The following TRPC4AP variants were observed in gnomAD, a reference collection of about 807,000 sequenced individuals.
The protein encoded by TRPC4AP is short transient receptor potential channel 4-associated protein.
A neutral mutation model predicts 99.0 loss-of-function variants in TRPC4AP; 45 were observed. That is an observed-to-expected ratio of 0.45 (90% CI 0.36 to 0.58). The LOEUF is 0.58. Ranked by LOEUF, TRPC4AP falls within the 20% of genes least tolerant of loss-of-function variation. The pLI is 0.00. For missense variants in TRPC4AP, 879 were observed against 985.3 expected, an observed-to-expected ratio of 0.89 and a Z score of 1.44; for synonymous variants, 408 against 385.8, an observed-to-expected ratio of 1.06 and a Z score of -0.67.
intron 1 of TRPC4AP, among the ~76,000 whole-genome samples, chr20:35,092,333 G>T (rs1169988053): frequency 6.6e-6 from 1 of 152,110 alleles, no homozygotes; most frequent in African/African-American, 2.4e-5. Flanking sequence ...TAGACGTGGC[G>T]CAAAGAAGGG....
rs139961186 is a variant in TRPC4AP at position 35,022,061 on chromosome 20, T to G, written c.1052-705A>C. Reference sequence around the variant, plus strand: ...GTCACCTCCTCACTAGGCCTTAGACTGCTCTGCAGCAGACAGCTAGGGTTA... The same window carrying G: ...GTCACCTCCTCACTAGGCCTTAGACGGCTCTGCAGCAGACAGCTAGGGTTA... On this transcript the variant is annotated intron_variant, in intron 8 of 18. Transcript: ENST00000252015. 2.6e-5 allele frequency among the ~76,000 whole-genome samples: 4 copies of G among 152,210 alleles called. No homozygotes were observed. The South Asian group carries it at 8.3e-4, about 31-fold the overall frequency.
chr20:35,083,810 T>C (rs886712980), intron 1 of TRPC4AP, among the ~76,000 whole-genome samples: 1 of 150,114 alleles, frequency 6.7e-6, no homozygotes, highest in South Asian at 2.1e-4. Flanking sequence ...GGAAACAAGG[T>C]CTAAAACATG....
chr20:35,006,595 G>C lies in TRPC4AP; in HGVS notation c.1687-20C>G, dbSNP rs114786577. 6.2e-7 allele frequency: 1 copy of C among 1,609,840 alleles called. No individual in the cohort carries two copies. Among genetic ancestry groups the C allele is most frequent in the Non-Finnish European group, 8.5e-7 (1 of 1,176,762 alleles). On this transcript the variant is annotated intron_variant, in intron 14 of 18. Transcript: ENST00000252015. ...GATGTGCTGGGTGAGGAGGGACAGGGTGAAGGTGTCAACGTGGCTGCCCCC... is the reference window on the plus strand; with the variant it reads ...GATGTGCTGGGTGAGGAGGGACAGGCTGAAGGTGTCAACGTGGCTGCCCCC...
chr20:35,092,474 G>C (rs1413552052), intron 1 of TRPC4AP, 140 bp downstream of exon 1: 2 of 1,026,850 alleles, frequency 1.9e-6, no homozygotes, highest in Non-Finnish European at 2.6e-6. Flanking sequence ...AGAGCGTCCG[G>C]GCAGCTCACA....
intron 13 of TRPC4AP, among the ~76,000 whole-genome samples, chr20:35,008,451 G>A (rs933132593): frequency 6.6e-6 from 1 of 152,196 alleles, no homozygotes; most frequent in African/African-American, 2.4e-5. Context: ...CAGGTGCTTG[G>A]TGAATGCTCG....
chr20:35,052,465 C>A (rs1345397367), intron 5 of TRPC4AP, among the ~76,000 whole-genome samples: 6 of 152,006 alleles, frequency 3.9e-5, no homozygotes, highest in African/African-American at 1.5e-4. Context: ...TCCAGTAGGC[C>A]AAGCTTTTTC....
intron 8 of TRPC4AP, among the ~76,000 whole-genome samples, chr20:35,027,773 G>T (rs1367866400): frequency 3.3e-5 from 5 of 152,086 alleles, no homozygotes; most frequent in Non-Finnish European, 2.9e-5. Context: ...TTTCATCTAG[G>T]TTATTTAGTT....
At chr20:35,090,782 CTAT>C (rs1312820912) in intron 1 of TRPC4AP, among the ~76,000 whole-genome samples, 1 of 152,164 alleles carries the variant, frequency 6.6e-6, no homozygotes, top group African/African-American at 2.4e-5. Flanking sequence ...CTGTGGCTCC[CTAT>C]TATTCTCAGA....
intron 17 of TRPC4AP, 152 bp from the exon 18 acceptor site, chr20:35,003,768 G>A (rs1219317767): frequency 2.3e-6 from 2 of 875,594 alleles, no homozygotes; most frequent in East Asian, 5.3e-5. Context: ...TAGGACTGGG[G>A]GAAGGGGGCC....
At chr20:35,058,551 T>C (rs2083897456) in intron 3 of TRPC4AP, among the ~76,000 whole-genome samples, 1 of 151,978 alleles carries the variant, frequency 6.6e-6, no homozygotes, top group Non-Finnish European at 1.5e-5. Flanking sequence ...TCCTAAATAA[T>C]AATGGGCCAA....
At chr20:35,004,372 G>A in intron 17 of TRPC4AP, 86 bp downstream of exon 17, 1 of 1,163,024 alleles carries the variant, frequency 8.6e-7, no homozygotes, top group Non-Finnish European at 1.3e-6. Context: ...CTTCTGGAGT[G>A]GGGGACAGAA....
intron 10 of TRPC4AP, among the ~76,000 whole-genome samples, chr20:35,014,652 T>C (rs914442170): frequency 6.6e-6 from 1 of 152,202 alleles, no homozygotes. Flanking sequence ...AAAATATATT[T>C]GCTTGAAATT....
intron 7 of TRPC4AP, 84 bp downstream of exon 7, chr20:35,044,410 AAAAAAGAAAAG>A: frequency 7.7e-7 from 1 of 1,297,886 alleles, no homozygotes; most frequent in Non-Finnish European, 1.1e-6. Context: ...GAAAAAAAAA[AAAAAAGAAAAG>A]AAAAGAAAAA....
chr20:35,005,661 C>A (rs773879303), intron 16 of TRPC4AP, 34 bp downstream of exon 16: 49 of 1,593,516 alleles, frequency 3.1e-5, no homozygotes, highest in Non-Finnish European at 3.5e-5. Context: ...TCTTACCCTG[C>A]ATGACTTGCC....
intron 16 of TRPC4AP, among the ~76,000 whole-genome samples, chr20:35,005,177 C>T (rs1458621811): frequency 1.3e-5 from 2 of 152,180 alleles, no homozygotes; most frequent in East Asian, 1.9e-4. Context: ...TACCAACAAC[C>T]GGGATACTTC....
chr20:35,089,979 G>A (rs1220902680), intron 1 of TRPC4AP, among the ~76,000 whole-genome samples: 2 of 151,926 alleles, frequency 1.3e-5, no homozygotes, highest in African/African-American at 4.8e-5. Flanking sequence ...AATTAATGGG[G>A]TGTGGTGGCA....
At chr20:35,020,414 G>C (rs2082858191) in intron 9 of TRPC4AP, among the ~76,000 whole-genome samples, 1 of 152,164 alleles carries the variant, frequency 6.6e-6, no homozygotes, top group South Asian at 2.1e-4. Context: ...CTGCCTCACT[G>C]TTCCAGCAAC....
At chr20:35,092,554 G>GCCC in intron 1 of TRPC4AP, 60 bp downstream of exon 1, 30 of 1,402,240 alleles carry the variant, frequency 2.1e-5, no homozygotes, top group Non-Finnish European at 2.7e-5. Flanking sequence ...CTCTTCCCCG[G>GCCC]CCCCCCGCCA....
intron 3 of TRPC4AP, among the ~76,000 whole-genome samples, chr20:35,065,432 A>G (rs551341292): frequency 1.3e-5 from 2 of 152,318 alleles, no homozygotes; most frequent in African/African-American, 4.8e-5. Flanking sequence ...CACTTTTCAC[A>G]GTCATGTTAT....
Sources: gnomAD v4.1 joint callset for allele counts (sites outside exome capture counted in the v4.1 genomes callset) on GRCh38, gnomAD v4.1.1 for gene constraint, MANE v1.5 for transcripts, NCBI Gene and HGNC (gene_info 2026-07-23, HGNC 2026-07-21) for gene names.